Variants in PRR14 observed in about 807,000 individuals in gnomAD.
The protein encoded by PRR14 is proline rich 14, also known as proline-rich protein 14.
PRR14 carries 33 observed loss-of-function variants against 57.2 expected under a neutral mutation model. That is an observed-to-expected ratio of 0.58 (90% confidence interval 0.44 to 0.77). PRR14 has a LOEUF of 0.77. Among genes scored for constraint, PRR14 ranks in the 30% least tolerant of loss-of-function variants. The pLI, the probability that PRR14 is intolerant of heterozygous loss-of-function variation, is 0.00. For synonymous variants in PRR14, 303 were observed against 314.7 expected (o/e 0.96, Z 0.39); for missense variants, 716 against 788.1 (o/e 0.91, Z 1.10).
At chr16:30,654,571 G>A in intron 7 of PRR14, 58 bp from the exon 8 acceptor site, 1 of 1,364,786 alleles carries the variant, frequency 7.3e-7, no homozygotes, top group Non-Finnish European at 1.0e-6. Flanking sequence ...AGCATGTGGG[G>A]AGGGGCTGAG....
Position 30,651,078 on chromosome 16 carries a change from T to C in PRR14, c.-100T>C, listed in dbSNP as rs1452420497. The C allele has an allele frequency of 2.2e-6, 1 of 454,968 alleles. No homozygotes were observed. Among genetic ancestry groups the C allele is most frequent in the Admixed American group, 2.4e-5 (1 of 42,518 alleles). The allele number at this position is 454,968 out of a possible 1,614,324, so 28.2% of individuals were successfully genotyped here. A position where few individuals can be genotyped will look rare whatever the true frequency, so the allele number is the denominator to read the frequency against. ...AGCGGAGCTTTGCGGCGCTGAAGCT[T>C]ACAGGGGAAGGAAAAGCCTCGCCCG... is the stretch of plus-strand genomic sequence containing the variant. On this transcript the variant is annotated 5_prime_UTR_variant, in exon 1 of 12. Coordinates refer to ENST00000300835, the MANE Select transcript of PRR14 (RefSeq NM_024031.5). This position sits in a 1 kb window ranked among gnomAD's most constrained non-coding sequence, Gnocchi z 5.0.
At position 30,655,188 on chromosome 16, in the gene PRR14, T is replaced by A. The variant is rs758358637; in HGVS notation, c.1218T>A (p.Thr406=). The A allele has an allele frequency of 6.3e-7, 1 of 1,596,728 alleles. No individual in the cohort carries two copies. The highest frequency in any genetic ancestry group is 1.1e-5 in the South Asian group (1 of 89,946). The change falls in exon 8 of 12, where the codon ACT becomes ACA. Residue 406 remains threonine, a synonymous_variant. Coordinates refer to ENST00000300835, the MANE Select transcript of PRR14 (RefSeq NM_024031.5). This position sits in a 1 kb window ranked among gnomAD's most constrained non-coding sequence, Gnocchi z 4.6. The part of the protein sequence containing the change: ...LTTSCSSTAS[T]SFSEPAEPRL... Reference sequence around the variant, plus strand: ...CATCTTGCTCGTCCACGGCATCCACTTCCTTCTCCGAACCAGCAGAACCCA... The same window carrying A: ...CATCTTGCTCGTCCACGGCATCCACATCCTTCTCCGAACCAGCAGAACCCA...
At position 30,650,993 on chromosome 16, in the gene PRR14, T is replaced by G; in HGVS notation, c.-185T>G. ...AGTGAAGAGGGTATCTGCTTGACAGTGGATCCCTGGGGATCTACGCTGAGT... is the reference window on the plus strand; with the variant it reads ...AGTGAAGAGGGTATCTGCTTGACAGGGGATCCCTGGGGATCTACGCTGAGT... On this transcript the variant is annotated 5_prime_UTR_variant, in exon 1 of 12. Transcript: ENST00000300835. 2.2e-6 allele frequency: 1 copy of G among 455,786 alleles called. No homozygotes were observed. The highest frequency in any genetic ancestry group is 4.4e-6 in the Non-Finnish European group (1 of 226,290). 28.2% of individuals were successfully genotyped at this position (455,786 alleles called of 1,614,324 possible).
chr16:30,654,839 A>G lies in PRR14; in HGVS notation c.869A>G (p.Glu290Gly). 1.3e-6 allele frequency: 2 copies of G among 1,569,298 alleles called. No individual in the cohort carries two copies. The highest frequency in any genetic ancestry group is 1.7e-6 in the Non-Finnish European group (2 of 1,155,296). Residue 290 changes from glutamate to glycine, a missense_variant, in exon 8 of 12, where the codon GAG (glutamate) becomes GGG (glycine). Coordinates refer to ENST00000300835, the MANE Select transcript of PRR14 (RefSeq NM_024031.5). ...MKLELKIAIS[E>G]AEQSGAAEGT... ...CTGGAGTTGAAGATCGCCATCTCAG[A>G]GGCCGAGCAGTCTGGGGCTGCTGAG...
chr16:30,652,851 G>A lies in PRR14; in HGVS notation c.314+9G>A. On this transcript the variant is annotated intron_variant, in intron 4 of 11. Transcript: ENST00000300835. ...TGGTCCTCGCAGGCCAGGTGAGCAT[G>A]GCAGGATGGGGGTAAGCCGAGGGCC... The A allele has an allele frequency of 6.2e-7, 1 of 1,614,074 alleles. No homozygotes were observed. The highest frequency in any genetic ancestry group is 8.5e-7 in the Non-Finnish European group (1 of 1,180,010).
At position 30,651,729 on chromosome 16, in the gene PRR14, C is replaced by G. The variant is rs776314714; in HGVS notation, c.23+61C>G. 1.2e-6 allele frequency: 2 copies of G among 1,611,848 alleles called. No individual in the cohort carries two copies. Among genetic ancestry groups the G allele is most frequent in the African/African-American group, 1.3e-5 (1 of 75,020 alleles). On this transcript the variant is annotated intron_variant, in intron 2 of 11. Coordinates refer to ENST00000300835, the MANE Select transcript of PRR14 (RefSeq NM_024031.5). This position sits in a 1 kb window ranked among gnomAD's most constrained non-coding sequence, Gnocchi z 5.0. ...CCCGGGAGATGGGGATCCTGGCGACCGTGCCGGGAAACTACAGAGCCAGCG... is the reference window on the plus strand; with the variant it reads ...CCCGGGAGATGGGGATCCTGGCGACGGTGCCGGGAAACTACAGAGCCAGCG...
In PRR14 at chr16:30,655,020, T is replaced by A; in HGVS notation, c.1050T>A (p.Ala350=). Residue 350 remains alanine (A), a synonymous_variant, in exon 8 of 12, where the codon GCT becomes GCA. Coordinates refer to ENST00000300835, the MANE Select transcript of PRR14 (RefSeq NM_024031.5). This position sits in a 1 kb window ranked among gnomAD's most constrained non-coding sequence, Gnocchi z 4.6. ...PGPGTCTWPP[A]PPQPSRPRPR... ...CAGGTACCTGCACCTGGCCACCTGC[T>A]CCACCCCAACCAAGCCGACCACGGC... 6.2e-7 allele frequency: 1 copy of A among 1,610,300 alleles called. No individual in the cohort carries two copies. Among genetic ancestry groups the A allele is most frequent in the Non-Finnish European group, 8.5e-7 (1 of 1,179,804 alleles).
Position 30,652,973 on chromosome 16 carries a change from C to T in PRR14, c.374C>T (p.Ser125Phe), listed in dbSNP as rs770081351. 37 of 1,614,176 alleles carry T rather than the reference C, an allele frequency of 2.3e-5. No individual in the cohort carries two copies. The highest frequency in any genetic ancestry group is 3.1e-5 in the Non-Finnish European group (37 of 1,180,016). ...EPLSRIHRTSSTLRRRSRTTP... is the reference protein window; with the variant it reads ...EPLSRIHRTSFTLRRRSRTTP... ...TTGAGCCGCATCCACCGGACCTCTTCCACCCTGAGGCGGCGATCAAGGACA... is the reference window on the plus strand; with the variant it reads ...TTGAGCCGCATCCACCGGACCTCTTTCACCCTGAGGCGGCGATCAAGGACA... The change falls in exon 5 of 12, where the codon TCC (serine) becomes TTC (phenylalanine). Residue 125 changes from serine to phenylalanine, a missense_variant. Coordinates refer to ENST00000300835, the MANE Select transcript of PRR14 (RefSeq NM_024031.5).
rs749494822 is a variant in PRR14, at chr16:30,651,687, G to A, written c.23+19G>A. The A allele has an allele frequency of 7.4e-6, 12 of 1,611,900 alleles. No individual in the cohort carries two copies. Among genetic ancestry groups the A allele is most frequent in the African/African-American group, 1.3e-5 (1 of 74,890 alleles). On this transcript the variant is annotated intron_variant, in intron 2 of 11. Transcript: ENST00000300835. This position sits in a 1 kb window ranked among gnomAD's most constrained non-coding sequence, Gnocchi z 5.0. ...ACTCCAGGTGAGAGCGTACCCGGGC[G>A]GCCCGCCTGTCTTGACCCCGGGAGA... is the stretch of plus-strand genomic sequence containing the variant.
rs1241040101 is a variant in PRR14, at chr16:30,653,828, G to A, written c.549-402G>A. Among the ~76,000 whole-genome samples, 5 of 152,146 alleles carry A rather than the reference G, an allele frequency of 3.3e-5. No individual in the cohort carries two copies. The South Asian group carries it at 6.2e-4, about 19-fold the overall frequency. On this transcript the variant is annotated intron_variant, in intron 6 of 11. Coordinates refer to ENST00000300835, the MANE Select transcript of PRR14 (RefSeq NM_024031.5). ...ATTACAGGCATCCGCCACAATGCCCGGCTAGTTTTTGTATGTTTAGTAGAG... is the reference window on the plus strand; with the variant it reads ...ATTACAGGCATCCGCCACAATGCCCAGCTAGTTTTTGTATGTTTAGTAGAG...
intron 3 of PRR14, chr16:30,652,232 C>CTTTT (rs749845482): frequency 1.7e-5 from 9 of 520,224 alleles, no homozygotes; most frequent in Non-Finnish European, 2.1e-5. Flanking sequence ...TTTTTTCTAT[C>CTTTT]TTTTTTTTTT....
chr16:30,655,370 AAGG>A lies in PRR14; in HGVS notation c.1267_1269del (p.Glu423del). 1 of 1,614,048 alleles carries A rather than the reference AAGG, an allele frequency of 6.2e-7. No individual in the cohort carries two copies. The highest frequency in any genetic ancestry group is 8.5e-7 in the Non-Finnish European group (1 of 1,180,020). Reference sequence around the variant, plus strand: ...TGGCAGGTTGGGTTCAACCAAAGGGAAGGAGCCAAGAGCCTCAAAGGACCAGGT... The same window carrying A: ...TGGCAGGTTGGGTTCAACCAAAGGGAAGCCAAGAGCCTCAAAGGACCAGGT... On this transcript the variant is annotated inframe_deletion, in exon 9 of 12. Coordinates refer to ENST00000300835, the MANE Select transcript of PRR14 (RefSeq NM_024031.5). The surrounding 1 kb of genome is among the most constrained non-coding windows in gnomAD (Gnocchi z 4.6).
chr16:30,651,926 C>G lies in PRR14; in HGVS notation c.154C>G (p.Leu52Val). The G allele has an allele frequency of 6.4e-7, 1 of 1,573,530 alleles. No individual in the cohort carries two copies. The highest frequency in any genetic ancestry group is 8.6e-7 in the Non-Finnish European group (1 of 1,161,524). The change falls in exon 3 of 12, where the codon CTG becomes GTG. Residue 52 changes from leucine (L) to valine (V), a missense_variant. Leu to Val is a conservative substitution (Grantham distance 32). Transcript: ENST00000300835. The surrounding 1 kb of genome is among the most constrained non-coding windows in gnomAD (Gnocchi z 5.0). Reference protein sequence around the residue: ...SPLEKASRRVLAVVLEDVMAV... With the variant: ...SPLEKASRRVVAVVLEDVMAV... ...CCTGGAAAAGGCCTCTCGGCGGGTCCTGGCCGTGGTGCTAGAAGATGTCAT... is the reference window on the plus strand; with the variant it reads ...CCTGGAAAAGGCCTCTCGGCGGGTCGTGGCCGTGGTGCTAGAAGATGTCAT...
Position 30,651,108 on chromosome 16 carries a change from C to G in PRR14, c.-70C>G. Reference sequence around the variant, plus strand: ...GGGAAGGAAAAGCCTCGCCCGGCGTCTGATTGGCGGAACCGCGCTGTAGGA... The same window carrying G: ...GGGAAGGAAAAGCCTCGCCCGGCGTGTGATTGGCGGAACCGCGCTGTAGGA... On this transcript the variant is annotated 5_prime_UTR_variant, in exon 1 of 12. Coordinates refer to ENST00000300835, the MANE Select transcript of PRR14 (RefSeq NM_024031.5). This position sits in a 1 kb window ranked among gnomAD's most constrained non-coding sequence, Gnocchi z 5.0. 1 of 452,798 alleles carries G rather than the reference C, an allele frequency of 2.2e-6. No individual in the cohort carries two copies. Among genetic ancestry groups the G allele is most frequent in the Non-Finnish European group, 4.5e-6 (1 of 223,828 alleles). The allele number at this position is 452,798 out of a possible 1,614,324, so 28.0% of individuals were successfully genotyped here.
At position 30,651,412 on chromosome 16, in the gene PRR14, T is replaced by C; in HGVS notation, c.-50-184T>C. The C allele has an allele frequency of 2.1e-6, 1 of 481,286 alleles. No individual in the cohort carries two copies. The highest frequency in any genetic ancestry group is 3.5e-5 in the East Asian group (1 of 28,440). The allele number at this position is 481,286 out of a possible 1,614,324, so 29.8% of individuals were successfully genotyped here. On this transcript the variant is annotated intron_variant, in intron 1 of 11. Coordinates refer to ENST00000300835, the MANE Select transcript of PRR14 (RefSeq NM_024031.5). The surrounding 1 kb of genome is among the most constrained non-coding windows in gnomAD (Gnocchi z 5.0). The stretch of plus-strand genomic sequence containing the variant: ...CAGGTGCCAGGCAGGGCGCGAGTGA[T>C]CCGCTGATCGAGGCGGTGGCAGCGG...
Position 30,651,576 on chromosome 16 carries a change from C to A in PRR14, c.-50-20C>A. 1 of 1,064,348 alleles carries A rather than the reference C, an allele frequency of 9.4e-7. No individual in the cohort carries two copies. Among genetic ancestry groups the A allele is most frequent in the South Asian group, 1.6e-5 (1 of 63,512 alleles). The allele number at this position is 1,064,348 out of a possible 1,614,324, so 65.9% of individuals were successfully genotyped here. A position where few individuals can be genotyped will look rare whatever the true frequency, so the allele number is the denominator to read the frequency against. ...GGGCCGGCCCTCACCCCCCGCTCCC[C>A]CGCTCCCCCCTTACCCCAGGCCGCA... On this transcript the variant is annotated intron_variant, in intron 1 of 11. Transcript: ENST00000300835. The surrounding 1 kb of genome is among the most constrained non-coding windows in gnomAD (Gnocchi z 5.0).
At chr16:30,652,409 G>A in intron 3 of PRR14, 2 of 574,622 alleles carry the variant, frequency 3.5e-6, no homozygotes, top group South Asian at 1.7e-5. Flanking sequence ...GAAGCAGGCT[G>A]AGGTCTTTGA....
Position 30,651,696 on chromosome 16 carries a change from G to A in PRR14, c.23+28G>A, listed in dbSNP as rs1394490463. The A allele has an allele frequency of 2.5e-6, 4 of 1,612,298 alleles. No individual in the cohort carries two copies. The highest frequency in any genetic ancestry group is 2.5e-6 in the Non-Finnish European group (3 of 1,179,730). On this transcript the variant is annotated intron_variant, in intron 2 of 11. Coordinates refer to ENST00000300835, the MANE Select transcript of PRR14 (RefSeq NM_024031.5). This position sits in a 1 kb window ranked among gnomAD's most constrained non-coding sequence, Gnocchi z 5.0. The stretch of plus-strand genomic sequence containing the variant: ...GAGAGCGTACCCGGGCGGCCCGCCT[G>A]TCTTGACCCCGGGAGATGGGGATCC...
At position 30,652,398 on chromosome 16, in the gene PRR14, G is replaced by A. The variant is rs1430045274; in HGVS notation, c.193-323G>A. On this transcript the variant is annotated intron_variant, in intron 3 of 11. Coordinates refer to ENST00000300835, the MANE Select transcript of PRR14 (RefSeq NM_024031.5). Reference sequence around the variant, plus strand: ...CTTTCTTCCCAGCCCAGCCTCCTTAGGAAGCAGGCTGAGGTCTTTGACTCC... The same window carrying A: ...CTTTCTTCCCAGCCCAGCCTCCTTAAGAAGCAGGCTGAGGTCTTTGACTCC... 3 of 570,252 alleles carry A rather than the reference G, an allele frequency of 5.3e-6. No individual in the cohort carries two copies. The Admixed American group carries it at 7.4e-5, about 14-fold the overall frequency. 35.3% of individuals were successfully genotyped at this position (570,252 alleles called of 1,614,324 possible). A position where few individuals can be genotyped will look rare whatever the true frequency, so the allele number is the denominator to read the frequency against.
Sources: gnomAD v4.1 joint callset for allele counts (sites outside exome capture counted in the v4.1 genomes callset) on GRCh38, gnomAD v4.1.1 for gene constraint, Gnocchi (gnomAD v3.1) non-coding constraint, MANE v1.5 for transcripts, NCBI Gene and HGNC (gene_info 2026-07-23, HGNC 2026-07-21) for gene names.